The following CENPE variants were observed in gnomAD, a reference collection of about 807,000 sequenced individuals.
The protein encoded by CENPE is centromere-associated protein E.
CENPE carries 145 observed loss-of-function variants against 336.1 expected under a neutral mutation model. That is an observed-to-expected ratio of 0.43 (90% CI 0.38 to 0.50). The LOEUF (loss-of-function observed/expected upper bound fraction) is 0.50, where lower values mean the gene tolerates loss of function less well. CENPE is among the 20% of genes least tolerant of loss of function. The pLI, the probability that CENPE is intolerant of heterozygous loss-of-function variation, is 0.00. For synonymous variants in CENPE, 1,013 were observed against 984.8 expected (o/e 1.03, Z -0.54); for missense variants, 2,719 against 3,023.3 (o/e 0.90, Z 2.36).
At chr4:103,185,716 T>G in intron 9 of CENPE, 94 bp downstream of exon 9, 1 of 646,508 alleles carries the variant, frequency 1.5e-6, no homozygotes, top group East Asian at 2.8e-5. Context: ...TGAATATAAT[T>G]ACTTTATCAA....
At position 103,108,855 on chromosome 4, in the gene CENPE, T is replaced by C. The variant is rs966126906; in HGVS notation, c.7959A>G (p.Pro2653=). 6.2e-7 allele frequency: 1 copy of C among 1,613,812 alleles called. No homozygotes were observed. The highest frequency in any genetic ancestry group is 8.5e-7 in the Non-Finnish European group (1 of 1,179,854). The part of the protein sequence containing the change: ...CFFDSRSKSL[P]SPHPVRYFDN... The stretch of plus-strand genomic sequence containing the variant: ...CAAAATAGCGAACTGGATGAGGTGA[T>C]GGTAAAGACTTTGATCGGCTATCAA... Residue 2653 remains proline (P), a synonymous_variant, in exon 48 of 49, where the codon CCA becomes CCG. Transcript: ENST00000265148.
intron 16 of CENPE, among the ~76,000 whole-genome samples, chr4:103,172,741 A>G (rs987246350): frequency 6.6e-6 from 1 of 152,054 alleles, no homozygotes; most frequent in African/African-American, 2.4e-5. Flanking sequence ...AAAACTCAGT[A>G]AAGTTGCAGG....
At chr4:103,197,518 C>T (rs1188999635) in intron 1 of CENPE, among the ~76,000 whole-genome samples, 1 of 152,170 alleles carries the variant, frequency 6.6e-6, no homozygotes, top group East Asian at 1.9e-4. Flanking sequence ...ATGAGCTCCT[C>T]AAAAATAGGA....
rs1231113602 is a variant in CENPE at position 103,153,207 on chromosome 4, G to A, written c.3077C>T (p.Thr1026Ile). ...DKKQDLEAKN[T>I]QTLTADVKDN... ...CTTAACATCTGCAGTTAGTGTTTGG[G>A]TATTTTTAGCTTCCAAATCCTGTTT... Residue 1026 changes from threonine (T) to isoleucine (I), a missense_variant, in exon 25 of 49, where the codon ACC (threonine) becomes ATC (isoleucine). Thr to Ile is a moderately conservative substitution (Grantham distance 89). Coordinates refer to ENST00000265148, the MANE Select transcript of CENPE (RefSeq NM_001813.3). 1 of 1,612,532 alleles carries A rather than the reference G, an allele frequency of 6.2e-7. No homozygotes were observed. The highest frequency in any genetic ancestry group is 1.1e-5 in the South Asian group (1 of 90,924).
intron 16 of CENPE, among the ~76,000 whole-genome samples, chr4:103,166,686 T>C (rs1422722620): frequency 6.6e-6 from 1 of 152,184 alleles, no homozygotes; most frequent in Non-Finnish European, 1.5e-5. Context: ...GCTAGCCACA[T>C]AGAAGTCTGA....
chr4:103,164,054 G>A (rs1754702885), intron 16 of CENPE, among the ~76,000 whole-genome samples: 1 of 152,002 alleles, frequency 6.6e-6, no homozygotes, highest in Admixed American at 6.6e-5. Context: ...TTTGGATTAG[G>A]GTTGTTTCAT....
At chr4:103,142,850 A>T (rs111517422) in intron 34 of CENPE, among the ~76,000 whole-genome samples, 7,244 of 152,066 alleles carry the variant, frequency 0.048, 243 homozygotes, top group Middle Eastern at 0.099. Flanking sequence ...TCTACTAAAA[A>T]TACAAAAATT....
At chr4:103,141,227 C>T in intron 35 of CENPE, 123 bp from the exon 36 acceptor site, 3 of 612,004 alleles carry the variant, frequency 4.9e-6, no homozygotes, top group South Asian at 2.4e-5. Flanking sequence ...CACAATTCCA[C>T]ACAGAATTTT....
intron 32 of CENPE, among the ~76,000 whole-genome samples, 194 bp downstream of exon 32, chr4:103,144,856 T>C (rs75430557): frequency 1.5e-3 from 228 of 152,340 alleles, no homozygotes; most frequent in African/African-American, 5.3e-3. Context: ...CTACTTGAGC[T>C]GTCTTCTCTG....
intron 48 of CENPE, 29 bp from the exon 49 acceptor site, chr4:103,106,345 T>A: frequency 6.5e-7 from 1 of 1,534,378 alleles, no homozygotes; most frequent in Non-Finnish European, 8.9e-7. Flanking sequence ...ACAACATTCA[T>A]CCTATTACAA....
chr4:103,182,956 T>C, intron 10 of CENPE, 65 bp from the exon 11 acceptor site: 1 of 1,498,784 alleles, frequency 6.7e-7, no homozygotes, highest in Non-Finnish European at 9.1e-7. Flanking sequence ...AGTAGTTGGT[T>C]TTTAATGCAG....
rs527711353 is a variant in CENPE, at chr4:103,139,677, C to T, written c.6204+112G>A. ...AATTAGAGTAACCATTTCCCACTGT[C>T]CTTTACTGTTCATAGGAATTTCCAG... On this transcript the variant is annotated intron_variant, in intron 38 of 48. Transcript: ENST00000265148. 410 of 1,007,292 alleles carry T rather than the reference C, an allele frequency of 4.1e-4. 2 individuals are homozygous for T. Among genetic ancestry groups the T allele is most frequent in the Non-Finnish European group, 5.7e-4 (399 of 701,488 alleles). 62.4% of individuals were successfully genotyped at this position (1,007,292 alleles called of 1,614,324 possible).
At chr4:103,191,634 A>T (rs556645840) in intron 8 of CENPE, among the ~76,000 whole-genome samples, 2 of 110,788 alleles carry the variant, frequency 1.8e-5, no homozygotes, top group South Asian at 3.5e-4. Flanking sequence ...AACATCACAC[A>T]CCGGGGCCTG....
chr4:103,143,898 C>T (rs889949849), intron 33 of CENPE, among the ~76,000 whole-genome samples: 1 of 152,080 alleles, frequency 6.6e-6, no homozygotes, highest in African/African-American at 2.4e-5. Context: ...ACCAACTTTC[C>T]TCAATATTGG....
intron 16 of CENPE, among the ~76,000 whole-genome samples, chr4:103,173,303 T>A (rs1341605265): frequency 6.6e-6 from 1 of 152,034 alleles, no homozygotes; most frequent in Non-Finnish European, 1.5e-5. Context: ...AATGAATATC[T>A]ATATGTTGAA....
intron 48 of CENPE, among the ~76,000 whole-genome samples, chr4:103,108,533 C>G (rs977095542): frequency 6.6e-6 from 1 of 151,998 alleles, no homozygotes; most frequent in Admixed American, 6.6e-5. Context: ...ATCTTCATGT[C>G]CTTGAGAAAG....
At chr4:103,164,526 T>C (rs1754743704) in intron 16 of CENPE, among the ~76,000 whole-genome samples, 1 of 152,198 alleles carries the variant, frequency 6.6e-6, no homozygotes, top group African/African-American at 2.4e-5. Flanking sequence ...GTCAGACACA[T>C]ATGTAATTTA....
At position 103,151,381 on chromosome 4, in the gene CENPE, G is replaced by T; in HGVS notation, c.3238-4C>A. 1 of 1,548,662 alleles carries T rather than the reference G, an allele frequency of 6.5e-7. No individual in the cohort carries two copies. Among genetic ancestry groups the T allele is most frequent in the Non-Finnish European group, 8.6e-7 (1 of 1,157,980 alleles). On this transcript the variant is annotated splice_polypyrimidine_tract_variant and splice_region_variant and intron_variant, in intron 25 of 48. Transcript: ENST00000265148. ...ATTCTTCCTGGTTTTCAATGGTCTA[G>T]AAAGAAAAAAAAAGTTGAGATTAAA...
intron 44 of CENPE, 132 bp downstream of exon 44, chr4:103,120,016 C>T (rs1457509305): frequency 1.2e-5 from 7 of 597,698 alleles, no homozygotes; most frequent in Non-Finnish European, 2.0e-5. Context: ...TGCTTGAGTA[C>T]TGAACTTCAG....
Sources: gnomAD v4.1 joint callset for allele counts (sites outside exome capture counted in the v4.1 genomes callset) on GRCh38, gnomAD v4.1.1 for gene constraint, MANE v1.5 for transcripts, NCBI Gene and HGNC (gene_info 2026-07-23, HGNC 2026-07-21) for gene names.